The following PSD variants were observed in gnomAD, a reference collection of about 807,000 sequenced individuals.
The protein encoded by PSD is PH and SEC7 domain-containing protein 1.
In PSD, 32 loss-of-function variants were observed where a neutral mutation model predicts 91.6. The observed-to-expected ratio is 0.35, with a 90% CI of 0.26 to 0.47. PSD has a LOEUF of 0.47. Ranked by LOEUF, PSD falls within the 20% of genes least tolerant of loss-of-function variation. The pLI is 1.00. For synonymous variants in PSD, 532 were observed against 569.3 expected (o/e 0.93, Z 0.93); for missense variants, 1,099 against 1,373.9 (o/e 0.80, Z 3.16).
chr10:102,403,248 G>A lies in PSD; in HGVS notation c.3027C>T (p.His1009=). 1 of 1,605,798 alleles carries A rather than the reference G, an allele frequency of 6.2e-7. No homozygotes were observed. The highest frequency in any genetic ancestry group is 1.3e-5 in the African/African-American group (1 of 74,956). ...CTGCCCCTGGCCGAGGCTCTGAGCT[G>A]TGACGCTGAGCCCGGGGCTGGCTGG... The part of the protein sequence containing the change: ...KPSSQPRAQR[H]SSEPRPGAGS... Residue 1009 remains histidine, a synonymous_variant, in exon 17 of 17, where the codon CAC becomes CAT. Coordinates refer to ENST00000020673, the MANE Select transcript of PSD (RefSeq NM_002779.5). The surrounding 1 kb of genome is among the most constrained non-coding windows in gnomAD (Gnocchi z 6.7).
chr10:102,404,410 C>T lies in PSD; in HGVS notation c.2700+173G>A, dbSNP rs113438515. Among the ~76,000 whole-genome samples, 404 of 152,226 alleles carry T rather than the reference C, an allele frequency of 2.7e-3. 1 individual carries two copies. Among genetic ancestry groups the T allele is most frequent in the Non-Finnish European group, 4.4e-3 (296 of 68,016 alleles). On this transcript the variant is annotated intron_variant, in intron 15 of 16. Coordinates refer to ENST00000020673, the MANE Select transcript of PSD (RefSeq NM_002779.5). This position sits in a 1 kb window ranked among gnomAD's most constrained non-coding sequence, Gnocchi z 5.7. ...AAACAAAGCACTATGTTTGGGTTCC[C>T]AGCCGGCAAGCGGGACCCAGTGGGG...
chr10:102,406,362 C>T (rs997591306), intron 11 of PSD, among the ~76,000 whole-genome samples: 3 of 152,194 alleles, frequency 2.0e-5, no homozygotes, highest in African/African-American at 4.8e-5. Flanking sequence ...CAGTGGATAA[C>T]GGCAAATTTG....
At chr10:102,408,574 C>A (rs2061388488) in intron 10 of PSD, among the ~76,000 whole-genome samples, 1 of 152,262 alleles carries the variant, frequency 6.6e-6, no homozygotes, top group Non-Finnish European at 1.5e-5. Context: ...GCAATCCTTG[C>A]CTCCCGCCTT....
At chr10:102,411,020 G>T in intron 9 of PSD, 38 bp downstream of exon 9, 1 of 1,613,230 alleles carries the variant, frequency 6.2e-7, no homozygotes, top group Non-Finnish European at 8.5e-7. Context: ...CTGGCCAGGG[G>T]TTTGTTTTCC....
At position 102,412,697 on chromosome 10, in the gene PSD, A is replaced by G. The variant is rs2061436765; in HGVS notation, c.1554-122T>C. The stretch of plus-strand genomic sequence containing the variant: ...GGGAGTGGAGGGACATGGGGAAAGC[A>G]TTCTTCTTTTTTCCAGGGAAGGAGA... On this transcript the variant is annotated intron_variant, in intron 5 of 16. Transcript: ENST00000020673. The G allele has an allele frequency of 3.6e-6, 3 of 831,518 alleles. No homozygotes were observed. The South Asian group carries it at 5.5e-5, about 15-fold the overall frequency. 51.5% of individuals were successfully genotyped at this position (831,518 alleles called of 1,614,324 possible).
intron 1 of PSD, 85 bp from the exon 2 acceptor site, chr10:102,417,206 TAGGGCCTCTGAGTATC>T (rs778151135): frequency 1.2e-4 from 70 of 583,316 alleles, no homozygotes; most frequent in Non-Finnish European, 1.9e-4. Context: ...GAAAGTTGGC[TAGGGCCTCTGAGTATC>T]AGGGACCTAG....
chr10:102,415,399 C>T (rs1589893197), intron 3 of PSD, among the ~76,000 whole-genome samples, 170 bp from the exon 4 acceptor site: 1 of 152,230 alleles, frequency 6.6e-6, no homozygotes, highest in South Asian at 2.1e-4. Flanking sequence ...CAGTGGAGCT[C>T]ATTTTAAATC....
In PSD at chr10:102,403,107, G is replaced by T; in HGVS notation, c.*93C>A. On this transcript the variant is annotated 3_prime_UTR_variant, in exon 17 of 17. Coordinates refer to ENST00000020673, the MANE Select transcript of PSD (RefSeq NM_002779.5). This position sits in a 1 kb window ranked among gnomAD's most constrained non-coding sequence, Gnocchi z 6.7. Reference sequence around the variant, plus strand: ...GCGCGGTCGGGCCCTAGGCCGGGAGGCCCTCGTGGGTGGCCCGAGGCCGGC... The same window carrying T: ...GCGCGGTCGGGCCCTAGGCCGGGAGTCCCTCGTGGGTGGCCCGAGGCCGGC... 1 of 1,070,128 alleles carries T rather than the reference G, an allele frequency of 9.3e-7. No homozygotes were observed. The highest frequency in any genetic ancestry group is 1.3e-6 in the Non-Finnish European group (1 of 783,780). 66.3% of individuals were successfully genotyped at this position (1,070,128 alleles called of 1,614,324 possible). A position where few individuals can be genotyped will look rare whatever the true frequency, so the allele number is the denominator to read the frequency against.
rs752968420 is a variant in PSD at position 102,409,742 on chromosome 10, A to C, written c.2091+1116T>G. 6.6e-6 allele frequency among the ~76,000 whole-genome samples: 1 copy of C among 152,122 alleles called. No homozygotes were observed. The highest frequency in any genetic ancestry group is 1.5e-5 in the Non-Finnish European group (1 of 68,020). On this transcript the variant is annotated intron_variant, in intron 10 of 16. Transcript: ENST00000020673. This position sits in a 1 kb window ranked among gnomAD's most constrained non-coding sequence, Gnocchi z 5.7. ...AGACGCACCAGTTCACGGTCACCCC[A>C]ACTCGCAGACACTACCCATTCAGAT...
rs770942858 is a variant in PSD at position 102,410,810 on chromosome 10, T to TC, written c.2091+47dup. 7.3e-7 allele frequency: 1 copy of TC among 1,367,642 alleles called. No individual in the cohort carries two copies. Among genetic ancestry groups the TC allele is most frequent in the Non-Finnish European group, 1.0e-6 (1 of 961,484 alleles). The allele number at this position is 1,367,642 out of a possible 1,614,324, so 84.7% of individuals were successfully genotyped here. ...ACTCTGGACTCCGTCGCCGACTGGG[T>TC]CCTCCATCCTTCCCCTCCAGCGACT... On this transcript the variant is annotated intron_variant, in intron 10 of 16. Coordinates refer to ENST00000020673, the MANE Select transcript of PSD (RefSeq NM_002779.5). The surrounding 1 kb of genome is among the most constrained non-coding windows in gnomAD (Gnocchi z 6.0).
At position 102,416,413 on chromosome 10, in the gene PSD, C is replaced by G; in HGVS notation, c.626G>C (p.Gly209Ala). 6.2e-7 allele frequency: 1 copy of G among 1,607,064 alleles called. No individual in the cohort carries two copies. The highest frequency in any genetic ancestry group is 8.5e-7 in the Non-Finnish European group (1 of 1,177,118). ...PPERLATLFG[G>A]PADTGFLNQG... ...GTTCAGGAATCCAGTGTCAGCAGGTCCTCCGAAGAGTGTGGCCAGGCGCTC... is the reference window on the plus strand; with the variant it reads ...GTTCAGGAATCCAGTGTCAGCAGGTGCTCCGAAGAGTGTGGCCAGGCGCTC... The change falls in exon 2 of 17, where the codon GGA becomes GCA. Residue 209 changes from glycine (G) to alanine (A), a missense_variant. By Grantham distance (60) the Gly-to-Ala change is moderately conservative. Around this residue, in one of 3 missense-constraint regions of PSD, gnomAD observed 631 missense variants for 728.8 expected, o/e 0.87. Coordinates refer to ENST00000020673, the MANE Select transcript of PSD (RefSeq NM_002779.5). This position sits in a 1 kb window ranked among gnomAD's most constrained non-coding sequence, Gnocchi z 6.0.
Position 102,414,899 on chromosome 10 carries a change from A to G in PSD, c.1088T>C (p.Val363Ala). The change falls in exon 4 of 17, where the codon GTG becomes GCG. Residue 363 changes from valine (V) to alanine (A), a missense_variant. Val to Ala is a moderately conservative substitution (Grantham distance 64, BLOSUM62 0). Around this residue, in one of 3 missense-constraint regions of PSD, gnomAD observed 631 missense variants for 728.8 expected, o/e 0.87. Transcript: ENST00000020673. This position sits in a 1 kb window ranked among gnomAD's most constrained non-coding sequence, Gnocchi z 5.6. The stretch of plus-strand genomic sequence containing the variant: ...AGAGGCCTCAAACACCTCGTCGTCC[A>G]CATCTTCTTCCCCACCTGCCTCATC... The part of the protein sequence containing the change: ...DDDEAGGEED[V>A]DDEVFEASEG... The G allele has an allele frequency of 6.6e-7, 1 of 1,506,284 alleles. No individual in the cohort carries two copies. The highest frequency in any genetic ancestry group is 8.9e-7 in the Non-Finnish European group (1 of 1,127,258). 93.3% of individuals were successfully genotyped at this position (1,506,284 alleles called of 1,614,324 possible). A position where few individuals can be genotyped will look rare whatever the true frequency, so the allele number is the denominator to read the frequency against.
Position 102,417,002 on chromosome 10 carries a change from C to G in PSD, c.37G>C (p.Asp13His). The G allele has an allele frequency of 6.3e-7, 1 of 1,590,858 alleles. No homozygotes were observed. Among genetic ancestry groups the G allele is most frequent in the Non-Finnish European group, 8.5e-7 (1 of 1,176,268 alleles). Residue 13 changes from aspartate (D) to histidine (H), a missense_variant, in exon 2 of 17, where the codon GAC becomes CAC. This residue lies in a region of PSD where 631 missense variants were observed against 728.8 expected (regional missense o/e 0.87). Transcript: ENST00000020673. ...QGAMRFCSEG[D>H]CAISPPRCPR... ...CATCGTGGTGGGGAGATGGCACAGT[C>G]GCCTTCCGAGCAGAAGCGCATGGCA...
In PSD at chr10:102,412,246, GAC is replaced by G; in HGVS notation, c.1749-21_1749-20del. 1 of 1,613,872 alleles carries G rather than the reference GAC, an allele frequency of 6.2e-7. No homozygotes were observed. The highest frequency in any genetic ancestry group is 8.5e-7 in the Non-Finnish European group (1 of 1,179,752). On this transcript the variant is annotated intron_variant, in intron 6 of 16. Coordinates refer to ENST00000020673, the MANE Select transcript of PSD (RefSeq NM_002779.5). ...GTCATTGCTGTGGGCAGGGCAGAGA[GAC>G]AGGTAGGGTCTCAAGGGGAAGTGCA...
rs907692317 is a variant in PSD at position 102,403,785 on chromosome 10, C to T, written c.2844+57G>A. On this transcript the variant is annotated intron_variant, in intron 16 of 16. Coordinates refer to ENST00000020673, the MANE Select transcript of PSD (RefSeq NM_002779.5). The surrounding 1 kb of genome is among the most constrained non-coding windows in gnomAD (Gnocchi z 6.7). Reference sequence around the variant, plus strand: ...CCGGTTCCACTGTTAGAGTTCATGCCCTTCACCCTAGTATGGGCCTGCGTG... The same window carrying T: ...CCGGTTCCACTGTTAGAGTTCATGCTCTTCACCCTAGTATGGGCCTGCGTG... The T allele has an allele frequency of 3.3e-5, 51 of 1,556,764 alleles. No homozygotes were observed. The highest frequency in any genetic ancestry group is 7.8e-6 in the Non-Finnish European group (9 of 1,146,752).
upstream of PSD, chr10:102,418,809 GT>G (rs2061517840): frequency 2.2e-6 from 1 of 450,598 alleles, no homozygotes; most frequent in African/African-American, 2.0e-5. Context: ...CCGCCTCTCA[GT>G]CCCTCCCCCT....
rs895747448 is a variant in PSD at position 102,410,536 on chromosome 10, C to A, written c.2091+322G>T. ...CAGGGACCCCCGCAACTCCCGCCTT[C>A]CACCCCAGCGCACACTGGAGGAGGG... On this transcript the variant is annotated intron_variant, in intron 10 of 16. Transcript: ENST00000020673. The surrounding 1 kb of genome is among the most constrained non-coding windows in gnomAD (Gnocchi z 6.0). Among the ~76,000 whole-genome samples the A allele has an allele frequency of 2.6e-5, 4 of 152,230 alleles. No homozygotes were observed. Among genetic ancestry groups the A allele is most frequent in the Admixed American group, 6.5e-5 (1 of 15,286 alleles).
At position 102,403,564 on chromosome 10, in the gene PSD, G is replaced by T. The variant is rs773082705; in HGVS notation, c.2845-134C>A. ...CCAGGACTGTGAGATGGTCCCATGC[G>T]GGCTGGTGCCCCCTCTGGGCTCTCC... On this transcript the variant is annotated intron_variant, in intron 16 of 16. Coordinates refer to ENST00000020673, the MANE Select transcript of PSD (RefSeq NM_002779.5). This position sits in a 1 kb window ranked among gnomAD's most constrained non-coding sequence, Gnocchi z 6.7. 2 of 915,008 alleles carry T rather than the reference G, an allele frequency of 2.2e-6. No homozygotes were observed. The highest frequency in any genetic ancestry group is 1.7e-5 in the South Asian group (1 of 58,058). The allele number at this position is 915,008 out of a possible 1,614,324, so 56.7% of individuals were successfully genotyped here. A position where few individuals can be genotyped will look rare whatever the true frequency, so the allele number is the denominator to read the frequency against.
chr10:102,414,754 C>A lies in PSD; in HGVS notation c.1124+109G>T. ...TGCTATACACACTGCCCCGCCAGCC[C>A]CACACCCATCTCTATCCCAGGCCCT... On this transcript the variant is annotated intron_variant, in intron 4 of 16. Transcript: ENST00000020673. This position sits in a 1 kb window ranked among gnomAD's most constrained non-coding sequence, Gnocchi z 5.6. 2 of 1,400,776 alleles carry A rather than the reference C, an allele frequency of 1.4e-6. No homozygotes were observed. The highest frequency in any genetic ancestry group is 1.9e-6 in the Non-Finnish European group (2 of 1,057,128). 86.8% of individuals were successfully genotyped at this position (1,400,776 alleles called of 1,614,324 possible). A position where few individuals can be genotyped will look rare whatever the true frequency, so the allele number is the denominator to read the frequency against.
Sources: gnomAD v4.1 joint callset for allele counts (sites outside exome capture counted in the v4.1 genomes callset) on GRCh38, gnomAD v4.1.1 for gene constraint, gnomAD v4.1.1 regional missense constraint, Gnocchi (gnomAD v3.1) non-coding constraint, MANE v1.5 for transcripts, NCBI Gene and HGNC (gene_info 2026-07-23, HGNC 2026-07-21) for gene names.